GABRR1: variants seen among roughly 807,000 people sequenced by gnomAD.
The protein encoded by GABRR1 is gamma-aminobutyric acid type A receptor subunit rho1, also known as gamma-aminobutyric acid receptor subunit rho-1.
Under a neutral mutation model 55.5 loss-of-function variants are expected in GABRR1, and 59 were observed. The ratio of observed to expected loss-of-function variants is 1.06; its 90% confidence interval spans 0.86 to 1.32. The LOEUF (loss-of-function observed/expected upper bound fraction) is 1.32, where lower values mean the gene tolerates loss of function less well. Ranked by LOEUF, GABRR1 falls within the 40% of genes most tolerant of loss-of-function variation. GABRR1 has a pLI of 0.00. For synonymous variants in GABRR1, 213 were observed against 226.0 expected, an observed-to-expected ratio of 0.94 and a Z score of 0.51; for missense variants, 602 against 619.1, an observed-to-expected ratio of 0.97 and a Z score of 0.29.
intron 5 of GABRR1, among the ~76,000 whole-genome samples, chr6:89,197,801 T>C (rs1316669830): frequency 2.6e-5 from 4 of 152,252 alleles, no homozygotes; most frequent in African/African-American, 9.6e-5. Flanking sequence ...ATATAACACA[T>C]AGAATAGTAT....
intron 1 of GABRR1, among the ~76,000 whole-genome samples, chr6:89,210,232 C>CA (rs1268914687): frequency 4.0e-5 from 5 of 124,424 alleles, no homozygotes; most frequent in Non-Finnish European, 8.0e-5. Context: ...CTTACTCTGT[C>CA]ACCCAGGCTG....
chr6:89,206,815 A>G (rs2127803272), intron 1 of GABRR1, among the ~76,000 whole-genome samples: 1 of 151,898 alleles, frequency 6.6e-6, no homozygotes, highest in Non-Finnish European at 1.5e-5. Flanking sequence ...AAGGGGTTTC[A>G]CTATGTTGCC....
intron 2 of GABRR1, among the ~76,000 whole-genome samples, chr6:89,201,639 C>T (rs1291787153): frequency 2.0e-5 from 3 of 152,014 alleles, no homozygotes; most frequent in Non-Finnish European, 4.4e-5. Flanking sequence ...CTTAGCTGGG[C>T]GTGGTGGCAG....
chr6:89,212,630 G>T (rs558766159), intron 1 of GABRR1, among the ~76,000 whole-genome samples: 3 of 151,748 alleles, frequency 2.0e-5, no homozygotes, highest in Admixed American at 2.0e-4. Flanking sequence ...GGGAAGAGAG[G>T]AGGAGAGGAC....
intron 9 of GABRR1, 39 bp from the exon 10 acceptor site, chr6:89,179,102 A>T: frequency 6.3e-7 from 1 of 1,590,478 alleles, no homozygotes; most frequent in Non-Finnish European, 8.6e-7. Context: ...TGAGCTCAGC[A>T]TCATCTCTCA....
chr6:89,209,545 C>T (rs957137696), intron 1 of GABRR1, among the ~76,000 whole-genome samples: 1 of 152,156 alleles, frequency 6.6e-6, no homozygotes, highest in Admixed American at 6.5e-5. Context: ...TGTGAAATTG[C>T]GGACGGAACA....
intron 6 of GABRR1, 122 bp from the exon 7 acceptor site, chr6:89,185,572 T>A: frequency 1.2e-6 from 1 of 827,798 alleles, no homozygotes; most frequent in Non-Finnish European, 1.9e-6. Context: ...TATGATAGTT[T>A]GAAAAACAAA....
rs185705051 is a variant in GABRR1, at chr6:89,196,695, T to C, written c.572+1325A>G. Among the ~76,000 whole-genome samples, 48 of 151,972 alleles carry C rather than the reference T, an allele frequency of 3.2e-4. No homozygotes were observed. In the East Asian group the frequency reaches 6.8e-3, roughly 21 times the overall value. On this transcript the variant is annotated intron_variant, in intron 5 of 9. Transcript: ENST00000454853. ...GGGAGGCTGAGGTCAGATTACTGCT[T>C]GGGCCTGGGAGGTTGAGGCTGCAGT...
intron 6 of GABRR1, among the ~76,000 whole-genome samples, chr6:89,189,138 C>A (rs1167467992): frequency 1.3e-5 from 2 of 152,066 alleles, no homozygotes; most frequent in East Asian, 1.9e-4. Context: ...CAAGCAGTTA[C>A]CCTGATTCAA....
In GABRR1 at chr6:89,203,226, G is replaced by A. The variant is rs569368806; in HGVS notation, c.173+209C>T. Among the ~76,000 whole-genome samples, 11 of 152,266 alleles carry A rather than the reference G, an allele frequency of 7.2e-5. No individual in the cohort carries two copies. The East Asian group carries it at 1.4e-3, about 19-fold the overall frequency. On this transcript the variant is annotated intron_variant, in intron 2 of 9. Coordinates refer to ENST00000454853, the MANE Select transcript of GABRR1 (RefSeq NM_002042.5). Reference sequence around the variant, plus strand: ...AGGAGGAACACCAGCTCCCATTGCCGCGGACATCCTCTCTCACCAGCTCGA... The same window carrying A: ...AGGAGGAACACCAGCTCCCATTGCCACGGACATCCTCTCTCACCAGCTCGA...
intron 5 of GABRR1, among the ~76,000 whole-genome samples, chr6:89,193,506 C>T (rs413048): frequency 0.24 from 35,934 of 151,832 alleles, 4,505 homozygotes; most frequent in African/African-American, 0.31. Flanking sequence ...GGTTGAGGCT[C>T]ACTGAGGATT....
At position 89,185,345 on chromosome 6, in the gene GABRR1, T is replaced by C; in HGVS notation, c.761A>G (p.His254Arg). The change falls in exon 7 of 10, where the codon CAC (histidine) becomes CGC (arginine). Residue 254 changes from histidine to arginine, a missense_variant. Around this residue, in one of 3 missense-constraint regions of GABRR1, gnomAD observed 435 missense variants for 424.2 expected, o/e 1.03. Coordinates refer to ENST00000454853, the MANE Select transcript of GABRR1 (RefSeq NM_002042.5). ...GTAGAAAGCCAGTTTGGTGGTGGTG[T>C]GGAATTCCTGAATGAGGAACTGGGA... Reference protein sequence around the residue: ...SLSQFLIQEFHTTTKLAFYSS... With the variant: ...SLSQFLIQEFRTTTKLAFYSS... The C allele has an allele frequency of 6.2e-7, 1 of 1,613,956 alleles. No individual in the cohort carries two copies. Among genetic ancestry groups the C allele is most frequent in the Non-Finnish European group, 8.5e-7 (1 of 1,179,856 alleles).
chr6:89,201,085 T>C, intron 3 of GABRR1, 74 bp downstream of exon 3: 2 of 1,089,016 alleles, frequency 1.8e-6, no homozygotes, highest in Non-Finnish European at 2.8e-6. Flanking sequence ...AGCTGTGCTG[T>C]CCCTTGGCTA....
intron 1 of GABRR1, among the ~76,000 whole-genome samples, chr6:89,216,140 G>T (rs1772974628): frequency 1.3e-5 from 2 of 152,164 alleles, no homozygotes; most frequent in African/African-American, 4.8e-5. Context: ...TCCTAGTTTT[G>T]TGATGTTGTT....
At chr6:89,216,619 G>A (rs1467567504) in intron 1 of GABRR1, among the ~76,000 whole-genome samples, 1 of 152,190 alleles carries the variant, frequency 6.6e-6, no homozygotes, top group African/African-American at 2.4e-5. Flanking sequence ...TGGCAGACAG[G>A]GCACCATGCA....
intron 6 of GABRR1, among the ~76,000 whole-genome samples, chr6:89,185,922 GA>G (rs1318920010): frequency 6.6e-6 from 1 of 152,170 alleles, no homozygotes; most frequent in East Asian, 1.9e-4. Context: ...ATTTTAGCAA[GA>G]AAAGATCCAT....
At position 89,199,394 on chromosome 6, in the gene GABRR1, C is replaced by CCACCTGCACATCCA. The variant is rs1242158536; in HGVS notation, c.302_315dup (p.Glu106TrpfsTer20). 6.2e-7 allele frequency: 1 copy of CCACCTGCACATCCA among 1,613,910 alleles called. No individual in the cohort carries two copies. ...ACCTCTGAGATGCTATCCAAACTCT[C>CCACCTGCACATCCA]CACCTGCACATCCACACCAACAGGA... On this transcript the variant is annotated frameshift_variant, in exon 4 of 10. Coordinates refer to ENST00000454853, the MANE Select transcript of GABRR1 (RefSeq NM_002042.5). LOFTEE classifies it high-confidence loss of function.
chr6:89,187,814 G>A (rs960654224), intron 6 of GABRR1, among the ~76,000 whole-genome samples: 2 of 152,082 alleles, frequency 1.3e-5, no homozygotes, highest in Non-Finnish European at 2.9e-5. Context: ...TGTTTTTTAA[G>A]GCCGAACACT....
At chr6:89,195,007 G>A (rs569838028) in intron 5 of GABRR1, among the ~76,000 whole-genome samples, 1 of 152,088 alleles carries the variant, frequency 6.6e-6, no homozygotes, top group Non-Finnish European at 1.5e-5. Context: ...CAAAACTCAA[G>A]AAGGAGATAA....
Sources: allele counts gnomAD v4.1 joint callset (sites outside exome capture counted in the v4.1 genomes callset), GRCh38; gene constraint gnomAD v4.1.1; regional missense constraint gnomAD v4.1.1; transcripts MANE v1.5; gene names NCBI Gene and HGNC (gene_info 2026-07-23, HGNC 2026-07-21).